VDAC1: variants seen among roughly 807,000 people sequenced by gnomAD.
VDAC1 encodes voltage dependent anion channel 1.
Under a neutral mutation model 34.7 loss-of-function variants are expected in VDAC1, and 10 were observed. That is an observed-to-expected ratio of 0.29 (90% CI 0.18 to 0.49). The LOEUF (loss-of-function observed/expected upper bound fraction) is 0.49, where lower values mean the gene tolerates loss of function less well. Ranked by LOEUF, VDAC1 falls within the 20% of genes least tolerant of loss-of-function variation. The pLI is 0.99. For missense variants in VDAC1, 230 were observed against 347.9 expected (o/e 0.66, Z 2.69); for synonymous variants, 130 against 136.0 (o/e 0.96, Z 0.30).
At chr5:134,046,546 C>T in the VDAC1 span, among the ~76,000 whole-genome samples, 2 of 152,168 alleles carry the variant, frequency 1.3e-5, no homozygotes, top group East Asian at 1.9e-4. Flanking sequence ...AACATATTCA[C>T]AGGTCTAGGC....
the VDAC1 span, among the ~76,000 whole-genome samples, chr5:134,032,033 G>C: frequency 6.9e-6 from 1 of 145,706 alleles, no homozygotes; most frequent in African/African-American, 2.5e-5. Context: ...GGAGGCACGA[G>C]AATTGCCTGA....
At chr5:134,087,455 A>C in the VDAC1 span, among the ~76,000 whole-genome samples, 2 of 152,254 alleles carry the variant, frequency 1.3e-5, no homozygotes, top group South Asian at 2.1e-4. Flanking sequence ...CCCCGACCCC[A>C]CAAGCCTCAC....
the VDAC1 span, among the ~76,000 whole-genome samples, chr5:134,072,315 G>T: frequency 2.6e-5 from 4 of 152,126 alleles, no homozygotes; most frequent in Admixed American, 6.6e-5. Context: ...ATTAAAACTG[G>T]AGCCAGACTC....
chr5:134,000,290 C>T (rs910801442), intron 1 of VDAC1, among the ~76,000 whole-genome samples: 2 of 152,168 alleles, frequency 1.3e-5, no homozygotes, highest in South Asian at 2.1e-4. Flanking sequence ...ACAACAGTCT[C>T]GCAGTGGGCA....
chr5:134,078,045 G>T, the VDAC1 span, among the ~76,000 whole-genome samples: 3 of 152,214 alleles, frequency 2.0e-5, no homozygotes, highest in African/African-American at 7.2e-5. Flanking sequence ...GCTACAAACT[G>T]CTTCCAGGCC....
the VDAC1 span, among the ~76,000 whole-genome samples, chr5:134,103,692 T>C: frequency 2.0e-5 from 3 of 152,220 alleles, no homozygotes; most frequent in African/African-American, 2.4e-5. Context: ...TTTTAAGTGC[T>C]TCCCCCCTGC....
chr5:134,033,909 A>G, the VDAC1 span, among the ~76,000 whole-genome samples: 3,356 of 151,994 alleles, frequency 0.022, 43 homozygotes, highest in Non-Finnish European at 0.036. Context: ...GGAGAACGGC[A>G]TGAACCCGGG....
chr5:133,980,480 T>C (rs746983256), intron 6 of VDAC1, among the ~76,000 whole-genome samples: 1 of 152,110 alleles, frequency 6.6e-6, no homozygotes, highest in African/African-American at 2.4e-5. Context: ...TCAGCCACTT[T>C]GTGTACCTGT....
chr5:134,056,787 G>A, the VDAC1 span, among the ~76,000 whole-genome samples: 1 of 152,170 alleles, frequency 6.6e-6, no homozygotes, highest in South Asian at 2.1e-4. Flanking sequence ...CCAGGTTCAA[G>A]CAATTCTCCT....
At chr5:134,038,342 G>A in the VDAC1 span, among the ~76,000 whole-genome samples, 1 of 151,944 alleles carries the variant, frequency 6.6e-6, no homozygotes, top group African/African-American at 2.4e-5. Context: ...GAGGCCCCTG[G>A]GATGAGAACA....
chr5:134,002,687 G>A (rs944179021), intron 1 of VDAC1, among the ~76,000 whole-genome samples: 13 of 152,192 alleles, frequency 8.5e-5, no homozygotes, highest in Non-Finnish European at 8.8e-5. Flanking sequence ...GTCCAGGACC[G>A]GGCATGGTGG....
At chr5:134,058,417 C>T in the VDAC1 span, among the ~76,000 whole-genome samples, 657 of 150,964 alleles carry the variant, frequency 4.4e-3, 8 homozygotes, top group African/African-American at 0.014. Context: ...GAGTTCACGC[C>T]ATTCTTCTGC....
At chr5:134,063,371 AG>A in the VDAC1 span, among the ~76,000 whole-genome samples, 3 of 152,208 alleles carry the variant, frequency 2.0e-5, no homozygotes, top group Admixed American at 6.5e-5. Context: ...TGATTGTTAT[AG>A]TAACAGCCTC....
chr5:134,057,690 A>G, the VDAC1 span, among the ~76,000 whole-genome samples: 1 of 113,342 alleles, frequency 8.8e-6, no homozygotes, highest in Non-Finnish European at 2.0e-5. Context: ...ACTCCATCTG[A>G]AAAAAAAAAA....
the VDAC1 span, among the ~76,000 whole-genome samples, chr5:134,054,356 A>G: frequency 6.6e-6 from 1 of 151,630 alleles, no homozygotes; most frequent in South Asian, 2.1e-4. Flanking sequence ...GAGGTAGTTC[A>G]TTTCACCCTG....
chr5:134,044,904 T>A, the VDAC1 span, among the ~76,000 whole-genome samples: 1 of 152,160 alleles, frequency 6.6e-6, no homozygotes, highest in African/African-American at 2.4e-5. Flanking sequence ...TGAAACCCCC[T>A]CAACTCTGGC....
chr5:134,012,921 A>T, the VDAC1 span, among the ~76,000 whole-genome samples: 1 of 152,164 alleles, frequency 6.6e-6, no homozygotes, highest in South Asian at 2.1e-4. Context: ...CAGAATAGAG[A>T]ACACAGAAAT....
chr5:134,005,962 TG>T (rs1227836686), upstream of VDAC1, among the ~76,000 whole-genome samples: 1 of 152,100 alleles, frequency 6.6e-6, no homozygotes, highest in Non-Finnish European at 1.5e-5. Context: ...AGTGGGCAAC[TG>T]GGGCTACGGA....
chr5:133,987,831 C>T (rs1323820320), intron 5 of VDAC1, among the ~76,000 whole-genome samples: 1 of 152,216 alleles, frequency 6.6e-6, no homozygotes, highest in Non-Finnish European at 1.5e-5. Flanking sequence ...GCAGACACCA[C>T]TTCAAAACTG....
Sources: gnomAD v4.1 joint callset for allele counts (sites outside exome capture counted in the v4.1 genomes callset) on GRCh38, gnomAD v4.1.1 for gene constraint, MANE v1.5 for transcripts, NCBI Gene and HGNC (gene_info 2026-07-23, HGNC 2026-07-21) for gene names.